NELL1: variants seen among roughly 807,000 people sequenced by gnomAD.
The protein encoded by NELL1 is neural EGFL like 1.
Under a neutral mutation model 107.4 loss-of-function variants are expected in NELL1, and 76 were observed. The ratio of observed to expected loss-of-function variants is 0.71; its 90% CI spans 0.59 to 0.86. The LOEUF (loss-of-function observed/expected upper bound fraction) is 0.86. Among genes scored for constraint, NELL1 ranks in the 40% least tolerant of loss-of-function variants. NELL1 has a pLI of 0.00. For synonymous variants in NELL1, 353 were observed against 341.2 expected (o/e 1.03, Z -0.38); for missense variants, 1,024 against 1,005.5 (o/e 1.02, Z -0.25).
rs79501139 is a variant in NELL1 at position 21,043,711 on chromosome 11, G to A, written c.1301-69878G>A. Among the ~76,000 whole-genome samples the A allele has an allele frequency of 7.5e-3, 1,149 of 152,188 alleles. 13 individuals are homozygous for A. Among genetic ancestry groups the A allele is most frequent in the African/African-American group, 0.026 (1,094 of 41,526 alleles). On this transcript the variant is annotated intron_variant, in intron 12 of 19. Transcript: ENST00000357134. ...CAGTGAGAGAGGATGGAGATTGGGT[G>A]GTTGCTGTGAAGATAAAGGAAAGTG... is the stretch of plus-strand genomic sequence containing the variant.
At chr11:21,210,318 A>C (rs771790662) in intron 13 of NELL1, among the ~76,000 whole-genome samples, 1 of 152,126 alleles carries the variant, frequency 6.6e-6, no homozygotes, top group Non-Finnish European at 1.5e-5. Context: ...ACTAATTTCC[A>C]TAGAGACAGA....
At chr11:21,050,910 C>A (rs1264881798) in intron 12 of NELL1, among the ~76,000 whole-genome samples, 1 of 152,086 alleles carries the variant, frequency 6.6e-6, no homozygotes, top group Non-Finnish European at 1.5e-5. Flanking sequence ...TTACTGGCTC[C>A]CCGAGGTTGT....
chr11:20,984,201 C>A (rs1055300264), intron 12 of NELL1, among the ~76,000 whole-genome samples: 4 of 152,118 alleles, frequency 2.6e-5, no homozygotes, highest in African/African-American at 9.7e-5. Context: ...CTCAATGATT[C>A]TGGACATTTT....
intron 16 of NELL1, among the ~76,000 whole-genome samples, chr11:21,555,378 G>A (rs555354468): frequency 6.6e-6 from 1 of 151,946 alleles, no homozygotes; most frequent in African/African-American, 2.4e-5. Flanking sequence ...TTTAGCCTTC[G>A]AGAAGAGGGT....
At chr11:21,100,936 C>T (rs1441776464) in intron 12 of NELL1, among the ~76,000 whole-genome samples, 3 of 151,792 alleles carry the variant, frequency 2.0e-5, no homozygotes, top group Non-Finnish European at 4.4e-5. Flanking sequence ...TGTGCTGCAC[C>T]CAGTAACTTG....
chr11:20,692,040 C>T (rs1469684949), intron 2 of NELL1, among the ~76,000 whole-genome samples: 5 of 151,826 alleles, frequency 3.3e-5, no homozygotes, highest in African/African-American at 1.2e-4. Context: ...GGAATTTATC[C>T]ATTTCTTCTA....
chr11:20,809,271 C>T (rs144197156), intron 3 of NELL1, among the ~76,000 whole-genome samples: 136 of 152,126 alleles, frequency 8.9e-4, no homozygotes, highest in South Asian at 5.4e-3. Context: ...TACATATTTA[C>T]GGGGTACAAT....
Position 21,186,488 on chromosome 11 carries a change from G to A in NELL1, c.1427-42844G>A, listed in dbSNP as rs545963790. Among the ~76,000 whole-genome samples, 11 of 151,830 alleles carry A rather than the reference G, an allele frequency of 7.2e-5. No individual in the cohort carries two copies. The South Asian group carries it at 8.3e-4, about 11-fold the overall frequency. ...GGTCTTGACTGATTTTAGTTTGTTC[G>A]TCTAAGACATCTCTTTCCATCTCTT... On this transcript the variant is annotated intron_variant, in intron 13 of 19. Coordinates refer to ENST00000357134, the MANE Select transcript of NELL1 (RefSeq NM_006157.5).
At chr11:20,735,817 T>C (rs1167563574) in intron 2 of NELL1, among the ~76,000 whole-genome samples, 1 of 151,644 alleles carries the variant, frequency 6.6e-6, no homozygotes, top group Non-Finnish European at 1.5e-5. Flanking sequence ...GTTTAGGGAG[T>C]TTTTGTTTTG....
chr11:21,115,513 A>C (rs1307580745), intron 13 of NELL1, among the ~76,000 whole-genome samples: 6 of 152,022 alleles, frequency 3.9e-5, no homozygotes, highest in Admixed American at 3.9e-4. Flanking sequence ...GGTGAAAACC[A>C]CCCAATAGTA....
intron 4 of NELL1, among the ~76,000 whole-genome samples, chr11:20,872,109 C>T (rs890547917): frequency 4.0e-5 from 6 of 151,272 alleles, no homozygotes; most frequent in African/African-American, 1.2e-4. Context: ...GGCAGGAGCT[C>T]CCAGCCAAGC....
chr11:21,147,206 C>A (rs1376655656), intron 13 of NELL1, among the ~76,000 whole-genome samples: 1 of 152,142 alleles, frequency 6.6e-6, no homozygotes, highest in Middle Eastern at 3.2e-3. Context: ...AAACAGTTCT[C>A]ATGCTTAAAT....
chr11:20,977,190 G>A (rs889656286), intron 12 of NELL1, among the ~76,000 whole-genome samples: 1 of 151,496 alleles, frequency 6.6e-6, no homozygotes, highest in African/African-American at 2.4e-5. Context: ...TTTTCCTTAG[G>A]GTATTTTATA....
intron 14 of NELL1, among the ~76,000 whole-genome samples, chr11:21,300,820 T>G (rs1565155973): frequency 6.6e-6 from 1 of 152,046 alleles, no homozygotes; most frequent in South Asian, 2.1e-4. Context: ...TGGTTACATA[T>G]GTATACATGT....
At chr11:21,212,027 T>C (rs907499779) in intron 13 of NELL1, among the ~76,000 whole-genome samples, 2 of 152,114 alleles carry the variant, frequency 1.3e-5, no homozygotes, top group African/African-American at 2.4e-5. Flanking sequence ...GGTTTCACCA[T>C]GTTGGCCAGG....
intron 12 of NELL1, among the ~76,000 whole-genome samples, chr11:21,070,100 A>G (rs1853974460): frequency 6.6e-6 from 1 of 151,588 alleles, no homozygotes; most frequent in South Asian, 2.1e-4. Context: ...ACCTCGACTA[A>G]CCTACTTACT....
chr11:20,956,641 A>G lies in NELL1; in HGVS notation c.1172-3791A>G, dbSNP rs867847352. Among the ~76,000 whole-genome samples, 61 of 145,352 alleles carry G rather than the reference A, an allele frequency of 4.2e-4. No homozygotes were observed. In the Middle Eastern group the frequency reaches 0.011, roughly 25 times the overall value. On this transcript the variant is annotated intron_variant, in intron 11 of 19. Transcript: ENST00000357134. ...AGCCTGGGCAACAGAGCGAGACTCC[A>G]TCTCAAAAAAAAAAAAAAAAAATTA...
At chr11:20,839,797 T>C (rs576908679) in intron 3 of NELL1, among the ~76,000 whole-genome samples, 1 of 152,330 alleles carries the variant, frequency 6.6e-6, no homozygotes, top group Admixed American at 6.5e-5. Flanking sequence ...TGTTTCCATA[T>C]TGCTCTGAAT....
At chr11:21,303,817 A>C (rs1176373856) in intron 14 of NELL1, among the ~76,000 whole-genome samples, 2 of 152,040 alleles carry the variant, frequency 1.3e-5, no homozygotes, top group Non-Finnish European at 1.5e-5. Flanking sequence ...CTTACAGTTT[A>C]GGAGGCTGGG....
Sources: allele counts gnomAD v4.1 joint callset (sites outside exome capture counted in the v4.1 genomes callset), GRCh38; gene constraint gnomAD v4.1.1; transcripts MANE v1.5; gene names NCBI Gene and HGNC (gene_info 2026-07-23, HGNC 2026-07-21).